ARHGAP26: variants seen among roughly 807,000 people sequenced by gnomAD.
The protein encoded by ARHGAP26 is Rho GTPase activating protein 26.
A neutral mutation model predicts 104.8 loss-of-function variants in ARHGAP26; 38 were observed. The ratio of observed to expected loss-of-function variants is 0.36; its 90% CI spans 0.28 to 0.48. ARHGAP26 has a LOEUF of 0.48. Ranked by LOEUF, ARHGAP26 falls within the 20% of genes least tolerant of loss-of-function variation. The pLI is 0.99. For synonymous variants in ARHGAP26, 341 were observed against 340.0 expected, an observed-to-expected ratio of 1.00 and a Z score of -0.03; for missense variants, 704 against 947.9, an observed-to-expected ratio of 0.74 and a Z score of 3.38.
chr5:143,221,888 A>C (rs571454830), intron 22 of ARHGAP26, among the ~76,000 whole-genome samples: 1 of 150,206 alleles, frequency 6.7e-6, no homozygotes, highest in African/African-American at 2.5e-5. Flanking sequence ...CACTGAGTAC[A>C]TAGTTGATAC....
At chr5:142,965,962 C>T (rs712187) in intron 11 of ARHGAP26, among the ~76,000 whole-genome samples, 57,976 of 152,064 alleles carry the variant, frequency 0.38, 12,347 homozygotes, top group East Asian at 0.78. Flanking sequence ...CTTTAATAGC[C>T]GGTTCTAAAT....
At chr5:143,065,313 T>C (rs1395742291) in intron 17 of ARHGAP26, among the ~76,000 whole-genome samples, 1 of 152,022 alleles carries the variant, frequency 6.6e-6, no homozygotes, top group Non-Finnish European at 1.5e-5. Context: ...GGCACTGGAG[T>C]CCTCTCTTGC....
At chr5:142,868,075 G>C (rs1754643648) in intron 1 of ARHGAP26, 1 of 152,268 alleles carries the variant, frequency 6.6e-6, no homozygotes, top group African/African-American at 2.4e-5. Context: ...GGCATTACTT[G>C]AAGAGAAGAA....
intron 1 of ARHGAP26, among the ~76,000 whole-genome samples, chr5:142,802,901 A>G (rs1762333128): frequency 6.6e-6 from 1 of 152,174 alleles, no homozygotes; most frequent in African/African-American, 2.4e-5. Flanking sequence ...AGTAGAGAAA[A>G]TAATACTTGG....
At chr5:142,773,424 A>T (rs1315196328) in intron 1 of ARHGAP26, among the ~76,000 whole-genome samples, 1 of 152,218 alleles carries the variant, frequency 6.6e-6, no homozygotes, top group Non-Finnish European at 1.5e-5. Context: ...TGTTAATCAT[A>T]GGCAATAAAA....
chr5:142,773,569 G>C (rs1403116012), intron 1 of ARHGAP26, among the ~76,000 whole-genome samples: 1 of 152,222 alleles, frequency 6.6e-6, no homozygotes, highest in African/African-American at 2.4e-5. Flanking sequence ...TGCAGCAGGT[G>C]CTTGATTAAG....
At chr5:143,090,166 G>A (rs915808826) in intron 17 of ARHGAP26, among the ~76,000 whole-genome samples, 2 of 152,212 alleles carry the variant, frequency 1.3e-5, no homozygotes, top group Admixed American at 6.5e-5. Context: ...GCAGGGTGCC[G>A]GACTTCGGGA....
intron 18 of ARHGAP26, among the ~76,000 whole-genome samples, chr5:143,130,723 CCAGA>C (rs752540746): frequency 3.3e-5 from 5 of 152,194 alleles, no homozygotes; most frequent in African/African-American, 4.8e-5. Flanking sequence ...AAACCCGTGG[CCAGA>C]CAGTCAGCAG....
intron 11 of ARHGAP26, among the ~76,000 whole-genome samples, chr5:142,999,910 C>T (rs577847623): frequency 6.6e-6 from 1 of 152,100 alleles, no homozygotes; most frequent in African/African-American, 2.4e-5. Context: ...ATAGAGAACC[C>T]ATAAAACTCA....
At chr5:143,049,581 A>G (rs377011577) in intron 14 of ARHGAP26, among the ~76,000 whole-genome samples, 1 of 152,246 alleles carries the variant, frequency 6.6e-6, no homozygotes, top group South Asian at 2.1e-4. Context: ...ATTTTTTGCC[A>G]ACAAATATTT....
intron 1 of ARHGAP26, among the ~76,000 whole-genome samples, chr5:142,857,578 TC>T (rs1256817863): frequency 6.6e-6 from 1 of 152,126 alleles, no homozygotes; most frequent in African/African-American, 2.4e-5. Context: ...TTTCTCACTG[TC>T]CTAGGAGCAC....
intron 1 of ARHGAP26, among the ~76,000 whole-genome samples, chr5:142,787,343 T>C (rs1561839853): frequency 6.6e-6 from 1 of 152,204 alleles, no homozygotes; most frequent in Non-Finnish European, 1.5e-5. Context: ...TGAGAGCATG[T>C]TATTTGGGTT....
chr5:143,089,119 A>G (rs1431477085), intron 17 of ARHGAP26, among the ~76,000 whole-genome samples: 1 of 152,240 alleles, frequency 6.6e-6, no homozygotes. Context: ...CTTATATCTA[A>G]CAATCCCTCC....
intron 11 of ARHGAP26, among the ~76,000 whole-genome samples, chr5:142,990,405 TC>T (rs1174721618): frequency 1.3e-5 from 2 of 152,234 alleles, no homozygotes; most frequent in Non-Finnish European, 2.9e-5. Flanking sequence ...TCGAGCATCC[TC>T]CTTTAACTCA....
chr5:142,957,503 G>A (rs981437861), intron 11 of ARHGAP26, among the ~76,000 whole-genome samples: 12 of 151,946 alleles, frequency 7.9e-5, no homozygotes, highest in Admixed American at 2.0e-4. Flanking sequence ...TTTGTGGCTC[G>A]TCTTTGTACC....
At position 143,037,127 on chromosome 5, in the gene ARHGAP26, TGGTTAAGCCCTATCCTGA is replaced by T. The variant is rs1056671178; in HGVS notation, c.1145-64_1145-47del. ...AGCATGCGATTGATTCATCCTGGTT[TGGTTAAGCCCTATCCTGA>T]GGTTGATTTCCATGGCTAGCAACTT... On this transcript the variant is annotated intron_variant, in intron 12 of 22. Transcript: ENST00000645722. 6 of 1,269,938 alleles carry T rather than the reference TGGTTAAGCCCTATCCTGA, an allele frequency of 4.7e-6. No individual in the cohort carries two copies. The African/African-American group carries it at 8.8e-5, about 19-fold the overall frequency. The allele number at this position is 1,269,938 out of a possible 1,614,324, so 78.7% of individuals were successfully genotyped here. A position where few individuals can be genotyped will look rare whatever the true frequency, so the allele number is the denominator to read the frequency against.
chr5:142,976,974 G>A (rs1773187307), intron 11 of ARHGAP26, among the ~76,000 whole-genome samples: 1 of 152,192 alleles, frequency 6.6e-6, no homozygotes, highest in Non-Finnish European at 1.5e-5. Flanking sequence ...AAAAGTCCCA[G>A]GGCAGGCTCT....
chr5:143,064,197 C>T (rs1254767599), intron 17 of ARHGAP26, among the ~76,000 whole-genome samples: 1 of 152,054 alleles, frequency 6.6e-6, no homozygotes, highest in Non-Finnish European at 1.5e-5. Context: ...TCCAGTTTGC[C>T]TTAGTTCCTA....
intron 10 of ARHGAP26, among the ~76,000 whole-genome samples, chr5:142,928,290 G>A (rs1764218064): frequency 6.7e-6 from 1 of 148,768 alleles, no homozygotes. Context: ...TTTTAAGACA[G>A]ATAAAACATG....
Sources: gnomAD v4.1 joint callset for allele counts (sites outside exome capture counted in the v4.1 genomes callset) on GRCh38, gnomAD v4.1.1 for gene constraint, MANE v1.5 for transcripts, NCBI Gene and HGNC (gene_info 2026-07-23, HGNC 2026-07-21) for gene names.